The following FHAD1 variants were observed in gnomAD, a reference collection of about 807,000 sequenced individuals.
The protein encoded by FHAD1 is forkhead-associated domain-containing protein 1.
A neutral mutation model predicts 191.3 loss-of-function variants in FHAD1; 146 were observed. The ratio of observed to expected loss-of-function variants is 0.76; its 90% CI spans 0.67 to 0.88. The LOEUF (loss-of-function observed/expected upper bound fraction) is 0.88, where lower values mean the gene tolerates loss of function less well. FHAD1 is among the 40% of genes least tolerant of loss of function. The probability of loss-of-function intolerance (pLI) is 0.00; values close to 1 mark genes in which losing one functional copy is unlikely to be tolerated. For missense variants in FHAD1, 1,635 were observed against 1,785.8 expected, an observed-to-expected ratio of 0.92 and a Z score of 1.52; for synonymous variants, 616 against 672.3, an observed-to-expected ratio of 0.92 and a Z score of 1.29.
At chr1:15,376,082 TTTATTTA>T (rs1408988531) in intron 28 of FHAD1, among the ~76,000 whole-genome samples, 63 of 69,508 alleles carry the variant, frequency 9.1e-4, no homozygotes, top group African/African-American at 3.2e-3. Flanking sequence ...TATTTATTTT[TTTATTTA>T]TTTTTTTATT....
intron 1 of FHAD1, among the ~76,000 whole-genome samples, 159 bp downstream of exon 1, chr1:15,247,554 C>G (rs1368162232): frequency 2.0e-5 from 3 of 152,136 alleles, no homozygotes; most frequent in African/African-American, 7.2e-5. Flanking sequence ...TACCCCAACA[C>G]CAGCCCCTCC....
chr1:15,344,590 G>A (rs1422773914), intron 16 of FHAD1, among the ~76,000 whole-genome samples: 1 of 152,222 alleles, frequency 6.6e-6, no homozygotes, highest in East Asian at 1.9e-4. Context: ...ACCAGATTTG[G>A]TCTGTAAGCC....
At chr1:15,323,102 C>G (rs1676925220) in intron 10 of FHAD1, among the ~76,000 whole-genome samples, 1 of 152,186 alleles carries the variant, frequency 6.6e-6, no homozygotes, top group African/African-American at 2.4e-5. Flanking sequence ...TTACCTCCCC[C>G]TGGGTCCCGC....
chr1:15,327,338 C>A lies in FHAD1; in HGVS notation c.1557+196C>A. 1.9e-6 allele frequency: 1 copy of A among 536,536 alleles called. No homozygotes were observed. 33.2% of individuals were successfully genotyped at this position (536,536 alleles called of 1,614,324 possible). On this transcript the variant is annotated intron_variant, in intron 12 of 33. Transcript: ENST00000688493. This position sits in a 1 kb window ranked among gnomAD's most constrained non-coding sequence, Gnocchi z 5.1. ...TTAAAGTAAAAGCCAGTTAAAACTC[C>A]CTTGAAATGTGTCTGTGAAAATCAA...
intron 19 of FHAD1, among the ~76,000 whole-genome samples, 168 bp downstream of exon 19, chr1:15,349,317 C>G (rs189988022): frequency 2.0e-5 from 3 of 152,304 alleles, no homozygotes; most frequent in Non-Finnish European, 4.4e-5. Context: ...ACCTCCCCAT[C>G]CCTCAGTTTC....
chr1:15,317,371 C>T (rs1024903040), intron 9 of FHAD1, among the ~76,000 whole-genome samples: 2 of 152,184 alleles, frequency 1.3e-5, no homozygotes, highest in African/African-American at 4.8e-5. Flanking sequence ...CTCTTCCCCA[C>T]GCCAGCACCG....
Position 15,382,210 on chromosome 1 carries a change from C to T in FHAD1, c.4188+17C>T. On this transcript the variant is annotated intron_variant, in intron 31 of 33. Coordinates refer to ENST00000688493, the MANE Select transcript of FHAD1 (RefSeq NM_001391957.1). ...CAGCAGAAGGTGAGGCGCTGCTGCC[C>T]AGGGCAGAACCTCCCAGGCTGCCCT... 6.5e-7 allele frequency: 1 copy of T among 1,548,608 alleles called. No homozygotes were observed. The highest frequency in any genetic ancestry group is 1.2e-5 in the South Asian group (1 of 83,928).
intron 14 of FHAD1, among the ~76,000 whole-genome samples, chr1:15,332,377 C>T (rs1454312173): frequency 1.3e-5 from 2 of 152,108 alleles, no homozygotes; most frequent in African/African-American, 4.8e-5. Flanking sequence ...GTCATCTAGA[C>T]TAAGTCTATA....
downstream of FHAD1, among the ~76,000 whole-genome samples, chr1:15,400,474 G>A (rs1304578262): frequency 6.6e-6 from 1 of 152,152 alleles, no homozygotes; most frequent in Non-Finnish European, 1.5e-5. Context: ...CATACACCTG[G>A]CCTTGGCAGG....
At chr1:15,255,078 G>A (rs889497105) in intron 2 of FHAD1, among the ~76,000 whole-genome samples, 3 of 147,174 alleles carry the variant, frequency 2.0e-5, no homozygotes, top group Non-Finnish European at 4.5e-5. Context: ...TGTCTTATTT[G>A]TGCTGCTAGA....
chr1:15,314,611 GTGGGTGTGGGTGTGAGGA>G (rs1430360997), intron 8 of FHAD1: 2 of 99,098 alleles, frequency 2.0e-5, no homozygotes, highest in Non-Finnish European at 4.4e-5. Flanking sequence ...GTGTGGGTAT[GTGGGTGTGGGTGTGAGGA>G]TGTATGTGGG....
intron 2 of FHAD1, among the ~76,000 whole-genome samples, chr1:15,259,416 CG>C (rs996736707): frequency 6.6e-6 from 1 of 152,120 alleles, no homozygotes; most frequent in Non-Finnish European, 1.5e-5. Flanking sequence ...CACATCTAGT[CG>C]GGGACGGTGG....
intron 16 of FHAD1, among the ~76,000 whole-genome samples, chr1:15,342,360 G>A (rs1044902015): frequency 2.0e-5 from 3 of 152,260 alleles, no homozygotes; most frequent in African/African-American, 4.8e-5. Flanking sequence ...AAACTCGAAC[G>A]TGCCCATGAA....
At chr1:15,361,822 T>C (rs1324415749) in intron 22 of FHAD1, among the ~76,000 whole-genome samples, 1 of 151,754 alleles carries the variant, frequency 6.6e-6, no homozygotes. Context: ...CTGGCCAACA[T>C]GGTGAAACCC....
chr1:15,379,320 C>T (rs1700360067), intron 28 of FHAD1, among the ~76,000 whole-genome samples: 1 of 152,208 alleles, frequency 6.6e-6, no homozygotes, highest in South Asian at 2.1e-4. Flanking sequence ...GGATTAAGTG[C>T]TGTGCTTTTA....
At chr1:15,292,586 T>C (rs188952916) in intron 4 of FHAD1, among the ~76,000 whole-genome samples, 1 of 152,264 alleles carries the variant, frequency 6.6e-6, no homozygotes, top group African/African-American at 2.4e-5. Flanking sequence ...CCACCCGCCT[T>C]TAAAGAGGTA....
chr1:15,346,758 G>A (rs185091953), intron 18 of FHAD1, among the ~76,000 whole-genome samples: 55 of 152,300 alleles, frequency 3.6e-4, no homozygotes, highest in Non-Finnish European at 5.4e-4. Flanking sequence ...GAGGAGTGCG[G>A]GCTTTGCAGC....
In FHAD1 at chr1:15,296,679, C is replaced by T; in HGVS notation, c.569-5C>T. On this transcript the variant is annotated splice_region_variant and splice_polypyrimidine_tract_variant and intron_variant, in intron 4 of 33. Transcript: ENST00000688493. ...TTTGTGCTCTCTGCTGATCTCACGCCTTAGTGTGGACCAATGCCATGAAAC... is the reference window on the plus strand; with the variant it reads ...TTTGTGCTCTCTGCTGATCTCACGCTTTAGTGTGGACCAATGCCATGAAAC... 1.9e-6 allele frequency: 3 copies of T among 1,551,786 alleles called. No homozygotes were observed. The highest frequency in any genetic ancestry group is 2.6e-6 in the Non-Finnish European group (3 of 1,146,702).
intron 32 of FHAD1, among the ~76,000 whole-genome samples, chr1:15,389,455 A>AAAAAAAC (rs1703274694): frequency 1.3e-5 from 2 of 150,420 alleles, no homozygotes; most frequent in African/African-American, 4.9e-5. Flanking sequence ...CTCAAAAAAA[A>AAAAAAAC]AAAAAAAAAA....
Sources: gnomAD v4.1 joint callset for allele counts (sites outside exome capture counted in the v4.1 genomes callset) on GRCh38, gnomAD v4.1.1 for gene constraint, Gnocchi (gnomAD v3.1) non-coding constraint, MANE v1.5 for transcripts, NCBI Gene and HGNC (gene_info 2026-07-23, HGNC 2026-07-21) for gene names.